The following PCDHA1 variants were observed in gnomAD, a reference collection of about 807,000 sequenced individuals.
PCDHA1 encodes the protein protocadherin alpha 1, also known as protocadherin alpha-1.
A neutral mutation model predicts 61.3 loss-of-function variants in PCDHA1; 42 were observed. The observed-to-expected ratio is 0.69, with a 90% confidence interval of 0.54 to 0.89. The LOEUF (loss-of-function observed/expected upper bound fraction) is 0.89, where lower values mean the gene tolerates loss of function less well. Among genes scored for constraint, PCDHA1 ranks in the 40% least tolerant of loss-of-function variants. The pLI, the probability that PCDHA1 is intolerant of heterozygous loss-of-function variation, is 0.00. For synonymous variants in PCDHA1, 610 were observed against 553.8 expected, an observed-to-expected ratio of 1.10 and a Z score of -1.43; for missense variants, 1,256 against 1,235.3, an observed-to-expected ratio of 1.02 and a Z score of -0.25.
At chr5:140,795,894 T>G in intron 1 of PCDHA1, 1 of 1,613,984 alleles carries the variant, frequency 6.2e-7, no homozygotes, top group Non-Finnish European at 8.5e-7. Context: ...AATTAGATTA[T>G]GAAGAAGCAA....
intron 1 of PCDHA1, among the ~76,000 whole-genome samples, chr5:140,833,724 C>T (rs1420470141): frequency 9.3e-5 from 14 of 149,846 alleles, no homozygotes; most frequent in Non-Finnish European, 1.8e-4. Flanking sequence ...TGGATAGTTG[C>T]TAATGTTTCT....
chr5:140,787,026 G>A lies in PCDHA1; in HGVS notation c.736G>A (p.Val246Ile), dbSNP rs782815702. ...TAACGCCCCACTGTTTGACCAGGCCGTATACAGAGTCCACTTGTTAGAGAC... is the reference window on the plus strand; with the variant it reads ...TAACGCCCCACTGTTTGACCAGGCCATATACAGAGTCCACTTGTTAGAGAC... The part of the protein sequence containing the change: ...NDNAPLFDQA[V>I]YRVHLLETTA... Residue 246 changes from valine to isoleucine, a missense_variant, in exon 1 of 4, where the codon GTA (valine) becomes ATA (isoleucine). By Grantham distance (29) the Val-to-Ile change is conservative. Transcript: ENST00000504120. 6.2e-6 allele frequency: 10 copies of A among 1,614,154 alleles called. No homozygotes were observed. The South Asian group carries it at 7.7e-5, about 12-fold the overall frequency.
chr5:140,788,815 T>A, intron 1 of PCDHA1, 131 bp downstream of exon 1: 2 of 1,421,680 alleles, frequency 1.4e-6, no homozygotes, highest in East Asian at 2.5e-5. Context: ...TACCATTGAA[T>A]GTAGATATCC....
At chr5:140,874,459 G>A (rs569536068) in intron 1 of PCDHA1, among the ~76,000 whole-genome samples, 3 of 152,196 alleles carry the variant, frequency 2.0e-5, no homozygotes, top group African/African-American at 7.2e-5. Flanking sequence ...GACCTGTAGG[G>A]GAAGATTTAG....
At chr5:140,862,742 T>A (rs2047519053) in intron 1 of PCDHA1, 2 of 577,562 alleles carry the variant, frequency 3.5e-6, no homozygotes, top group East Asian at 4.8e-5. Context: ...TATGTGTGGG[T>A]GCACGCGGAG....
intron 1 of PCDHA1, among the ~76,000 whole-genome samples, chr5:140,896,597 G>A (rs577303751): frequency 1.3e-5 from 2 of 151,484 alleles, no homozygotes; most frequent in African/African-American, 4.8e-5. Flanking sequence ...GGCTGGTCTC[G>A]AACTCCTGGT....
rs201945218 is a variant in PCDHA1 at position 140,849,444 on chromosome 5, A to C, written c.2394+60760A>C. On this transcript the variant is annotated intron_variant, in intron 1 of 3. Transcript: ENST00000504120. Reference sequence around the variant, plus strand: ...GGATTTTGAAGAAAGTAGAGCACACAAGATCCCAGTCGAGGCTGTCGATAA... The same window carrying C: ...GGATTTTGAAGAAAGTAGAGCACACCAGATCCCAGTCGAGGCTGTCGATAA... The C allele has an allele frequency of 1.8e-4, 290 of 1,585,348 alleles. 21 individuals carry two copies. The highest frequency in any genetic ancestry group is 2.4e-4 in the Non-Finnish European group (278 of 1,160,480).
rs782239850 is a variant in PCDHA1 at position 140,787,890 on chromosome 5, C to T, written c.1600C>T (p.Gln534Ter). 1.9e-6 allele frequency: 3 copies of T among 1,613,264 alleles called. No homozygotes were observed. The change falls in exon 1 of 4, where the codon CAG becomes TAG. Residue 534 changes from glutamine (Q) to a stop codon, truncating the protein, a stop_gained. Transcript: ENST00000504120. LOFTEE classifies it high-confidence loss of function. Reference sequence around the variant, plus strand: ...CGAGGAGCTGGAGCTGCTGCAGTTCCAGGTGAGCGCGCGGGATGCGGGCGT... The same window carrying T: ...CGAGGAGCTGGAGCTGCTGCAGTTCTAGGTGAGCGCGCGGGATGCGGGCGT... Reference protein sequence around the residue: ...DHEELELLQFQVSARDAGVPP... With the variant: ...DHEELELLQF
rs782398517 is a variant in PCDHA1, at chr5:140,857,600, G to A, written c.2394+68916G>A. The A allele has an allele frequency of 5.0e-6, 8 of 1,596,228 alleles. No homozygotes were observed. In the African/African-American group the frequency reaches 9.4e-5, roughly 19 times the overall value. ...GCACGCGGAGAGCGGCAAGGTGTAC[G>A]CGCTGCAGCCGCTGGACCACGAGGA... is the stretch of plus-strand genomic sequence containing the variant. On this transcript the variant is annotated intron_variant, in intron 1 of 3. Transcript: ENST00000504120.
chr5:140,900,634 A>G (rs918199903), intron 1 of PCDHA1, among the ~76,000 whole-genome samples: 7 of 152,152 alleles, frequency 4.6e-5, no homozygotes, highest in Non-Finnish European at 1.0e-4. Flanking sequence ...AATCTTGGCT[A>G]TTGTGAACAC....
intron 1 of PCDHA1, among the ~76,000 whole-genome samples, chr5:140,946,015 G>A (rs246056): frequency 0.57 from 86,078 of 151,518 alleles, 25,094 homozygotes; most frequent in African/African-American, 0.71. Context: ...AAGCTCCTGC[G>A]CAGCAAAGAA....
chr5:140,900,226 G>A (rs1048533279), intron 1 of PCDHA1, among the ~76,000 whole-genome samples: 18 of 152,090 alleles, frequency 1.2e-4, no homozygotes, highest in Admixed American at 1.1e-3. Flanking sequence ...GCAAATGACT[G>A]GATCTTGTTT....
Position 140,863,052 on chromosome 5 carries a change from C to A in PCDHA1, c.2394+74368C>A, listed in dbSNP as rs782611491. On this transcript the variant is annotated intron_variant, in intron 1 of 3. Transcript: ENST00000504120. ...CAGCTGCATCTGTCAGCTGGCAGCA[C>A]CCGTTCCACGTGGGGCTCTGCACGG... The A allele has an allele frequency of 3.2e-5, 18 of 562,664 alleles. No individual in the cohort carries two copies. The East Asian group carries it at 8.4e-4, about 26-fold the overall frequency. 34.9% of individuals were successfully genotyped at this position (562,664 alleles called of 1,614,324 possible).
rs1049748990 is a variant in PCDHA1 at position 140,844,585 on chromosome 5, G to A, written c.2394+55901G>A. Among the ~76,000 whole-genome samples the A allele has an allele frequency of 2.7e-5, 4 of 149,128 alleles. 1 individual carries two copies. Among genetic ancestry groups the A allele is most frequent in the Non-Finnish European group, 6.0e-5 (4 of 66,698 alleles). ...TTTCAATAATATTCCACATTAAAGT[G>A]ATATTTAATATATGACTTAGAAAAA... On this transcript the variant is annotated intron_variant, in intron 1 of 3. Coordinates refer to ENST00000504120, the MANE Select transcript of PCDHA1 (RefSeq NM_018900.4).
intron 1 of PCDHA1, among the ~76,000 whole-genome samples, chr5:140,973,301 A>C (rs1469183006): frequency 1.3e-5 from 2 of 152,034 alleles, no homozygotes; most frequent in Admixed American, 6.6e-5. Context: ...CTATCTGATG[A>C]CTCTATCCTG....
chr5:140,828,007 A>G, intron 1 of PCDHA1: 1 of 1,504,268 alleles, frequency 6.6e-7, no homozygotes, highest in Non-Finnish European at 8.9e-7. Flanking sequence ...ACGCAGAAGA[A>G]ATGGATTAAT....
At chr5:140,995,559 A>G (rs2097689300) in intron 3 of PCDHA1, among the ~76,000 whole-genome samples, 1 of 152,242 alleles carries the variant, frequency 6.6e-6, no homozygotes, top group South Asian at 2.1e-4. Context: ...TGTACTGAAT[A>G]ATATGTCAAG....
intron 1 of PCDHA1, chr5:140,802,295 C>T (rs782768908): frequency 6.2e-7 from 1 of 1,614,250 alleles, no homozygotes; most frequent in Non-Finnish European, 8.5e-7. Context: ...CTCCACTTAG[C>T]ACAGTCATCG....
chr5:140,897,720 G>A (rs1457512042), intron 1 of PCDHA1, among the ~76,000 whole-genome samples: 1 of 152,086 alleles, frequency 6.6e-6, no homozygotes, highest in Non-Finnish European at 1.5e-5. Context: ...GGGATGGCTG[G>A]GTCAAATAGT....
Sources: allele counts gnomAD v4.1 joint callset (sites outside exome capture counted in the v4.1 genomes callset), GRCh38; gene constraint gnomAD v4.1.1; transcripts MANE v1.5; gene names NCBI Gene and HGNC (gene_info 2026-07-23, HGNC 2026-07-21).